DERPC: variants seen among roughly 807,000 people sequenced by gnomAD.
The protein encoded by DERPC is decreased expression in renal and prostate cancer protein.
Under a neutral mutation model 7.2 loss-of-function variants are expected in DERPC, and 1 was observed. That is an observed-to-expected ratio of 0.14 (90% confidence interval 0.05 to 0.66). The LOEUF (loss-of-function observed/expected upper bound fraction) is 0.66. DERPC is among the 30% of genes least tolerant of loss of function. The pLI, the probability that DERPC is intolerant of heterozygous loss-of-function variation, is 0.84. For missense variants in DERPC, 502 were observed against 299.4 expected (o/e 1.68, Z -4.99); for synonymous variants, 185 against 117.6 (o/e 1.57, Z -3.71).
At chr16:69,127,757 C>CCTGG (rs1325208798) in intron 1 of DERPC, among the ~76,000 whole-genome samples, 1 of 151,382 alleles carries the variant, frequency 6.6e-6, no homozygotes, top group Non-Finnish European at 1.5e-5. Flanking sequence ...CTACAGGCGC[C>CCTGG]CGCCACCACA....
intron 1 of DERPC, among the ~76,000 whole-genome samples, chr16:69,126,638 T>C (rs1036775375): frequency 3.3e-5 from 5 of 152,224 alleles, no homozygotes; most frequent in African/African-American, 1.2e-4. Flanking sequence ...CGAGCCCAGC[T>C]TCTAAGAGTT....
chr16:69,129,894 G>C (rs559288501), intron 1 of DERPC, among the ~76,000 whole-genome samples: 14 of 152,280 alleles, frequency 9.2e-5, no homozygotes, highest in Non-Finnish European at 1.6e-4. Context: ...GAAGCAGCTT[G>C]CTTTTTATCA....
chr16:69,130,673 A>G (rs1202769972), intron 1 of DERPC, among the ~76,000 whole-genome samples: 2 of 152,242 alleles, frequency 1.3e-5, no homozygotes, highest in South Asian at 4.1e-4. Context: ...CTTTTAGCAC[A>G]TTGTCTGACA....
In DERPC at chr16:69,124,894, A is replaced by G. The variant is rs1416651684; in HGVS notation, c.-279-3401T>C. Among the ~76,000 whole-genome samples, 3 of 151,664 alleles carry G rather than the reference A, an allele frequency of 2.0e-5. No individual in the cohort carries two copies. The East Asian group carries it at 5.9e-4, about 30-fold the overall frequency. Reference sequence around the variant, plus strand: ...GAGCACCAAACACTTTGGGAACATGAAATTGGTCAACTCACTAGACTTTTT... The same window carrying G: ...GAGCACCAAACACTTTGGGAACATGGAATTGGTCAACTCACTAGACTTTTT... On this transcript the variant is annotated intron_variant, in intron 1 of 2. Transcript: ENST00000519520.
chr16:69,122,365 CTTTT>C (rs869246617), intron 1 of DERPC, among the ~76,000 whole-genome samples: 7 of 140,430 alleles, frequency 5.0e-5, no homozygotes, highest in South Asian at 2.2e-4. Flanking sequence ...TAAGGATATT[CTTTT>C]TTTTTTTTTT....
At chr16:69,126,975 G>C (rs553799608) in intron 1 of DERPC, among the ~76,000 whole-genome samples, 1 of 152,062 alleles carries the variant, frequency 6.6e-6, no homozygotes, top group Non-Finnish European at 1.5e-5. Context: ...GGCCGGGCGC[G>C]GTGGCTCATG....
intron 1 of DERPC, among the ~76,000 whole-genome samples, chr16:69,129,707 A>G (rs1183543277): frequency 6.6e-6 from 1 of 152,178 alleles, no homozygotes; most frequent in African/African-American, 2.4e-5. Flanking sequence ...CCCCTCTTGC[A>G]GTTCTCCTCA....
intron 1 of DERPC, among the ~76,000 whole-genome samples, chr16:69,128,181 AG>A (rs1232764758): frequency 1.3e-5 from 2 of 150,416 alleles, no homozygotes; most frequent in Non-Finnish European, 3.0e-5. Context: ...CCAAAGTGCC[AG>A]GATTACAGGC....
At position 69,119,868 on chromosome 16, in the gene DERPC, G is replaced by A. The variant is rs541635146; in HGVS notation, c.561C>T (p.Ala187=). 116 of 701,498 alleles carry A rather than the reference G, an allele frequency of 1.7e-4. No individual in the cohort carries two copies. In the African/African-American group the frequency reaches 1.7e-3, roughly 10 times the overall value. The allele number at this position is 701,498 out of a possible 1,614,324, so 43.5% of individuals were successfully genotyped here. A position where few individuals can be genotyped will look rare whatever the true frequency, so the allele number is the denominator to read the frequency against. ...MGPGSGPNLR[A]GVLLTSGNGP... ...CATTCCCAGAGGTTAACAGAACACC[G>A]GCTCTCAGGTTAGGTCCAGATCCAG... The change falls in exon 3 of 3, where the codon GCC becomes GCT. Residue 187 remains alanine (A), a synonymous_variant. Transcript: ENST00000519520.
At chr16:69,122,748 G>T (rs1961774289) in intron 1 of DERPC, among the ~76,000 whole-genome samples, 1 of 151,996 alleles carries the variant, frequency 6.6e-6, no homozygotes, top group Non-Finnish European at 1.5e-5. Context: ...CTTCATGTTG[G>T]CCAGGCTGGT....
Position 69,118,476 on chromosome 16 carries a change from T to C in DERPC, c.*378A>G, listed in dbSNP as rs1396672486. 6.7e-7 allele frequency: 1 copy of C among 1,491,432 alleles called. No individual in the cohort carries two copies. Among genetic ancestry groups the C allele is most frequent in the Non-Finnish European group, 9.4e-7 (1 of 1,067,754 alleles). 92.4% of individuals were successfully genotyped at this position (1,491,432 alleles called of 1,614,324 possible). ...AGAGAGCAGTGAGCTGATTCTCCAA[T>C]GGTGAGCAGGGGACTACATGTGAAC... On this transcript the variant is annotated 3_prime_UTR_variant, in exon 3 of 3. Transcript: ENST00000519520.
intron 1 of DERPC, among the ~76,000 whole-genome samples, chr16:69,121,790 C>T (rs567661609): frequency 2.6e-4 from 39 of 152,314 alleles, no homozygotes; most frequent in African/African-American, 8.9e-4. Context: ...GCCTCAGCCT[C>T]CCGAGTAGCT....
Position 69,128,209 on chromosome 16 carries a change from G to A in DERPC, c.-280+4275C>T, listed in dbSNP as rs569866801. 2.6e-5 allele frequency among the ~76,000 whole-genome samples: 4 copies of A among 152,296 alleles called. No homozygotes were observed. In the East Asian group the frequency reaches 5.8e-4, roughly 22 times the overall value. Reference sequence around the variant, plus strand: ...ATTACAGGCGTGAACCACAGCGCCCGGCTAACTATCTCTTAAGAGCAGAGT... The same window carrying A: ...ATTACAGGCGTGAACCACAGCGCCCAGCTAACTATCTCTTAAGAGCAGAGT... On this transcript the variant is annotated intron_variant, in intron 1 of 2. Coordinates refer to ENST00000519520, the MANE Select transcript of DERPC (RefSeq NM_001002847.4).
intron 1 of DERPC, among the ~76,000 whole-genome samples, chr16:69,124,823 A>C (rs1034414201): frequency 6.6e-6 from 1 of 152,114 alleles, no homozygotes; most frequent in Non-Finnish European, 1.5e-5. Context: ...CTGGTATGTT[A>C]ATCTTCCTTT....
intron 1 of DERPC, among the ~76,000 whole-genome samples, chr16:69,125,656 A>C (rs1041000038): frequency 3.3e-5 from 5 of 152,242 alleles, no homozygotes; most frequent in African/African-American, 1.2e-4. Flanking sequence ...AAAAGGGGTA[A>C]TACCCAAGCT....
At position 69,119,478 on chromosome 16, in the gene DERPC, C is replaced by T. The variant is rs978737356; in HGVS notation, c.951G>A (p.Ser317=). Residue 317 remains serine, a synonymous_variant, in exon 3 of 3, where the codon TCG becomes TCA. Coordinates refer to ENST00000519520, the MANE Select transcript of DERPC (RefSeq NM_001002847.4). ...ARVPGPMGPN[S]GPSSRGIGLP... Reference sequence around the variant, plus strand: ...GGCCAATTCCCCGAGAGCTAGGACCCGAGTTTGGGCCCATGGGGCCAGGTA... The same window carrying T: ...GGCCAATTCCCCGAGAGCTAGGACCTGAGTTTGGGCCCATGGGGCCAGGTA... 2 of 702,920 alleles carry T rather than the reference C, an allele frequency of 2.8e-6. No homozygotes were observed. The highest frequency in any genetic ancestry group is 5.2e-6 in the Non-Finnish European group (2 of 384,994). The allele number at this position is 702,920 out of a possible 1,614,324, so 43.5% of individuals were successfully genotyped here. A position where few individuals can be genotyped will look rare whatever the true frequency, so the allele number is the denominator to read the frequency against.
chr16:69,118,677 A>C lies in DERPC; in HGVS notation c.*177T>G. 1 of 676,524 alleles carries C rather than the reference A, an allele frequency of 1.5e-6. No homozygotes were observed. 41.9% of individuals were successfully genotyped at this position (676,524 alleles called of 1,614,324 possible). A position where few individuals can be genotyped will look rare whatever the true frequency, so the allele number is the denominator to read the frequency against. On this transcript the variant is annotated 3_prime_UTR_variant, in exon 3 of 3. Coordinates refer to ENST00000519520, the MANE Select transcript of DERPC (RefSeq NM_001002847.4). ...CCACCTGCCACAGTTCACATGCCAC[A>C]AATAACATCTCACCTTCAGTCAAGA...
intron 1 of DERPC, among the ~76,000 whole-genome samples, chr16:69,129,149 G>A (rs1205256568): frequency 6.6e-6 from 1 of 151,166 alleles, no homozygotes; most frequent in Non-Finnish European, 1.5e-5. Flanking sequence ...CCCAGGCAGA[G>A]GCCGGGTGCG....
In DERPC at chr16:69,118,127, A is replaced by ACCCCCCCCCCCATTCCCCCATTCCCC; in HGVS notation, c.*726_*727insGGGGAATGGGGGAATGGGGGGGGGGG. On this transcript the variant is annotated 3_prime_UTR_variant, in exon 3 of 3. Transcript: ENST00000519520. ...CAGTGATTTCTTCCCTTCATCCCCCACCCCCACCCTAATTCCCATATTCCC... is the reference window on the plus strand; with the variant it reads ...CAGTGATTTCTTCCCTTCATCCCCCACCCCCCCCCCCATTCCCCCATTCCCCCCCCCACCCTAATTCCCATATTCCC... 7.2e-6 allele frequency: 1 copy of ACCCCCCCCCCCATTCCCCCATTCCCC among 138,046 alleles called. No individual in the cohort carries two copies. The highest frequency in any genetic ancestry group is 1.4e-5 in the Non-Finnish European group (1 of 69,834). 8.6% of individuals were successfully genotyped at this position (138,046 alleles called of 1,614,324 possible).
Sources: allele counts gnomAD v4.1 joint callset (sites outside exome capture counted in the v4.1 genomes callset), GRCh38; gene constraint gnomAD v4.1.1; transcripts MANE v1.5; gene names NCBI Gene and HGNC (gene_info 2026-07-23, HGNC 2026-07-21).